AGMO: variants seen among roughly 807,000 people sequenced by gnomAD.
AGMO encodes glyceryl-ether monooxygenase.
In AGMO, 75 loss-of-function variants were observed where a neutral mutation model predicts 60.2. That is an observed-to-expected ratio of 1.25 (90% CI 1.03 to 1.51). The LOEUF is 1.51. Among genes scored for constraint, AGMO ranks in the 40% most tolerant of loss-of-function variants. AGMO has a pLI of 0.00. For synonymous variants in AGMO, 261 were observed against 177.1 expected (o/e 1.47, Z -3.76); for missense variants, 763 against 525.5 (o/e 1.45, Z -4.42).
the AGMO span, among the ~76,000 whole-genome samples, chr7:15,178,564 T>C: frequency 1.3e-5 from 2 of 152,208 alleles, no homozygotes; most frequent in East Asian, 3.9e-4. Flanking sequence ...TTTTCCTCTA[T>C]CTGGTGTTTC....
the AGMO span, among the ~76,000 whole-genome samples, chr7:15,137,233 T>C: frequency 6.6e-6 from 1 of 152,228 alleles, no homozygotes; most frequent in Non-Finnish European, 1.5e-5. Context: ...GCTTTGCATA[T>C]TCTTTTCATC....
chr7:15,452,777 A>G (rs1050163683), intron 3 of AGMO, among the ~76,000 whole-genome samples: 3 of 152,206 alleles, frequency 2.0e-5, no homozygotes, highest in African/African-American at 7.2e-5. Flanking sequence ...AATCTTGCAC[A>G]CAGATGCACT....
At chr7:15,380,754 G>A (rs1343614435) in intron 10 of AGMO, among the ~76,000 whole-genome samples, 3 of 151,942 alleles carry the variant, frequency 2.0e-5, no homozygotes, top group African/African-American at 7.2e-5. Flanking sequence ...ACAAAGCTGG[G>A]GACATAACAT....
intron 12 of AGMO, among the ~76,000 whole-genome samples, chr7:15,254,267 G>A (rs1011499922): frequency 1.3e-5 from 2 of 152,054 alleles, no homozygotes; most frequent in African/African-American, 4.8e-5. Flanking sequence ...TGGGATTTCT[G>A]GATCATATGT....
intron 12 of AGMO, among the ~76,000 whole-genome samples, chr7:15,265,964 A>G (rs949707010): frequency 1.3e-5 from 2 of 152,104 alleles, no homozygotes; most frequent in Non-Finnish European, 2.9e-5. Flanking sequence ...AAGGCAATAC[A>G]TTCTGATGTA....
the AGMO span, among the ~76,000 whole-genome samples, chr7:15,144,869 G>C: frequency 1.3e-5 from 2 of 152,154 alleles, no homozygotes; most frequent in Admixed American, 1.3e-4. Context: ...TCGCTCTGCC[G>C]CCCAGGCTGG....
rs938123629 is a variant in AGMO, at chr7:15,544,566, C to T, written c.409+206G>A. Among the ~76,000 whole-genome samples the T allele has an allele frequency of 1.1e-4, 16 of 152,226 alleles. No homozygotes were observed. The East Asian group carries it at 1.2e-3, about 11-fold the overall frequency. On this transcript the variant is annotated intron_variant, in intron 3 of 12. Transcript: ENST00000342526. ...AATTAGAAGCGAAAAAAATGTACTT[C>T]CAATAATTTCATATCATTTTTAAAA...
At chr7:15,442,649 G>A (rs1459835263) in intron 3 of AGMO, among the ~76,000 whole-genome samples, 1 of 152,040 alleles carries the variant, frequency 6.6e-6, no homozygotes, top group East Asian at 1.9e-4. Flanking sequence ...GTGCTGGGAG[G>A]GAAAGGCGTG....
At chr7:15,229,717 ATTAT>A (rs1782199056) in intron 12 of AGMO, among the ~76,000 whole-genome samples, 1 of 121,654 alleles carries the variant, frequency 8.2e-6, no homozygotes, top group Non-Finnish European at 1.6e-5. Context: ...TATATATTAT[ATTAT>A]ATATAAATTA....
chr7:15,124,365 T>C, the AGMO span, among the ~76,000 whole-genome samples: 403 of 152,120 alleles, frequency 2.6e-3, no homozygotes, highest in African/African-American at 9.2e-3. Context: ...ATTTTTTCCA[T>C]AGTCAGTTTG....
intron 12 of AGMO, among the ~76,000 whole-genome samples, chr7:15,291,494 CTTTG>C (rs1289709544): frequency 6.6e-6 from 1 of 151,944 alleles, no homozygotes; most frequent in Admixed American, 6.6e-5. Flanking sequence ...GGAAAGTATT[CTTTG>C]TTTGCTTAAA....
intron 2 of AGMO, among the ~76,000 whole-genome samples, chr7:15,558,022 C>G (rs1267975620): frequency 6.6e-5 from 10 of 150,704 alleles, no homozygotes; most frequent in East Asian, 5.9e-4. Context: ...TCTCTCTCCC[C>G]CCTTTCCCCT....
chr7:15,124,135 C>A, the AGMO span, among the ~76,000 whole-genome samples: 43 of 152,230 alleles, frequency 2.8e-4, no homozygotes, highest in African/African-American at 1.0e-3. Context: ...TAGAGTTTCA[C>A]TGTGTGCCTG....
intron 12 of AGMO, among the ~76,000 whole-genome samples, chr7:15,278,097 T>C (rs1438666461): frequency 6.6e-6 from 1 of 152,108 alleles, no homozygotes; most frequent in African/African-American, 2.4e-5. Context: ...GGCCACAGTG[T>C]AACTGAAAGC....
At chr7:15,333,414 A>C (rs1781558098) in intron 12 of AGMO, among the ~76,000 whole-genome samples, 1 of 152,100 alleles carries the variant, frequency 6.6e-6, no homozygotes, top group Admixed American at 6.6e-5. Context: ...GTGACTTTTA[A>C]CAAAACAAAC....
intron 3 of AGMO, among the ~76,000 whole-genome samples, chr7:15,454,132 T>A (rs925766351): frequency 1.3e-5 from 2 of 151,502 alleles, no homozygotes; most frequent in Non-Finnish European, 2.9e-5. Context: ...ATAAATATTA[T>A]TTTTCTCTAG....
In AGMO at chr7:15,365,642, T is replaced by G. The variant is rs186305485; in HGVS notation, c.1158-23A>C. The G allele has an allele frequency of 4.0e-6, 6 of 1,517,436 alleles. No homozygotes were observed. In the Admixed American group the frequency reaches 6.7e-5, roughly 17 times the overall value. 94.0% of individuals were successfully genotyped at this position (1,517,436 alleles called of 1,614,324 possible). ...GGTCTGAAATAAAATGTCATTAACA[T>G]GCATTAGCTTTAAATATGCTCTTTA... On this transcript the variant is annotated intron_variant, in intron 11 of 12. Coordinates refer to ENST00000342526, the MANE Select transcript of AGMO (RefSeq NM_001004320.2).
chr7:15,249,426 A>C (rs1183721447), intron 12 of AGMO, among the ~76,000 whole-genome samples: 1 of 152,208 alleles, frequency 6.6e-6, no homozygotes, highest in Non-Finnish European at 1.5e-5. Flanking sequence ...ATACCTATAG[A>C]TAGATGAAAA....
the AGMO span, among the ~76,000 whole-genome samples, chr7:15,165,530 A>C: frequency 6.6e-6 from 1 of 152,190 alleles, no homozygotes; most frequent in Non-Finnish European, 1.5e-5. Context: ...TTTTGTATTT[A>C]ACCCTATAAA....
Sources: gnomAD v4.1 joint callset for allele counts (sites outside exome capture counted in the v4.1 genomes callset) on GRCh38, gnomAD v4.1.1 for gene constraint, MANE v1.5 for transcripts, NCBI Gene and HGNC (gene_info 2026-07-23, HGNC 2026-07-21) for gene names.